The following CNTN4 variants were observed in gnomAD, a reference collection of about 807,000 sequenced individuals.
The protein encoded by CNTN4 is contactin 4.
In CNTN4, 77 loss-of-function variants were observed where a neutral mutation model predicts 122.5. The ratio of observed to expected loss-of-function variants is 0.63; its 90% CI spans 0.52 to 0.76. CNTN4 has a LOEUF of 0.76. CNTN4 is among the 30% of genes least tolerant of loss of function. CNTN4 has a pLI of 0.00. For synonymous variants in CNTN4, 512 were observed against 447.0 expected (o/e 1.15, Z -1.83); for missense variants, 1,256 against 1,259.1 (o/e 1.00, Z 0.04).
intron 7 of CNTN4, among the ~76,000 whole-genome samples, chr3:2,858,844 A>G (rs2093644196): frequency 6.6e-6 from 1 of 152,264 alleles, no homozygotes; most frequent in Non-Finnish European, 1.5e-5. Context: ...AAATTCGTAT[A>G]CATTATGGAT....
intron 2 of CNTN4, among the ~76,000 whole-genome samples, chr3:2,215,049 G>A (rs752024359): frequency 3.9e-5 from 6 of 152,202 alleles, no homozygotes; most frequent in East Asian, 1.9e-4. Context: ...AGTTACAGAC[G>A]CAATTGAATT....
At chr3:2,221,666 A>G (rs971801730) in intron 2 of CNTN4, among the ~76,000 whole-genome samples, 2 of 152,156 alleles carry the variant, frequency 1.3e-5, no homozygotes, top group African/African-American at 4.8e-5. Flanking sequence ...ACTTATAACT[A>G]GAATACATAA....
chr3:2,456,955 G>A (rs2049027822), intron 3 of CNTN4, among the ~76,000 whole-genome samples: 1 of 152,064 alleles, frequency 6.6e-6, no homozygotes, highest in Non-Finnish European at 1.5e-5. Flanking sequence ...TAGATTCTCA[G>A]AACCCTATGA....
chr3:2,911,453 T>C (rs2094298955), intron 12 of CNTN4, among the ~76,000 whole-genome samples: 2 of 152,200 alleles, frequency 1.3e-5, no homozygotes, highest in Admixed American at 1.3e-4. Context: ...CTGATTGCTC[T>C]CAGACTGCAA....
At chr3:2,234,370 CAA>C (rs72401999) in intron 2 of CNTN4, among the ~76,000 whole-genome samples, 69 of 94,740 alleles carry the variant, frequency 7.3e-4, no homozygotes, top group Admixed American at 1.8e-3. Context: ...AAGTCCATCT[CAA>C]AAAAAAAAAA....
Position 2,485,824 on chromosome 3 carries a change from C to T in CNTN4, c.-88-85592C>T, listed in dbSNP as rs146707699. ...TTGTGTCTAGCTCAGGGATTATAAACGCACCAGTCAGCACCCTGTCAAAAC... is the reference window on the plus strand; with the variant it reads ...TTGTGTCTAGCTCAGGGATTATAAATGCACCAGTCAGCACCCTGTCAAAAC... On this transcript the variant is annotated intron_variant, in intron 3 of 24. Transcript: ENST00000418658. 1.8e-3 allele frequency among the ~76,000 whole-genome samples: 274 copies of T among 152,172 alleles called. 1 individual carries two copies. Among genetic ancestry groups the T allele is most frequent in the African/African-American group, 5.8e-3 (242 of 41,514 alleles).
At chr3:2,663,232 G>C (rs995276718) in intron 4 of CNTN4, among the ~76,000 whole-genome samples, 9 of 152,122 alleles carry the variant, frequency 5.9e-5, no homozygotes, top group Non-Finnish European at 1.2e-4. Flanking sequence ...CATTGAACTA[G>C]AATCAAAAAA....
At chr3:2,487,191 C>T (rs2076187052) in intron 3 of CNTN4, among the ~76,000 whole-genome samples, 1 of 152,110 alleles carries the variant, frequency 6.6e-6, no homozygotes, top group African/African-American at 2.4e-5. Context: ...GGTAAAATTA[C>T]TAATGTAAAA....
intron 2 of CNTN4, among the ~76,000 whole-genome samples, chr3:2,212,051 G>A (rs1004049586): frequency 2.0e-5 from 3 of 152,094 alleles, no homozygotes; most frequent in Admixed American, 1.3e-4. Context: ...ACAGCTCACT[G>A]TAACCGCAAA....
intron 2 of CNTN4, among the ~76,000 whole-genome samples, chr3:2,167,055 A>G (rs2036226922): frequency 1.3e-5 from 2 of 152,172 alleles, no homozygotes; most frequent in African/African-American, 4.8e-5. Flanking sequence ...TCAGACATAG[A>G]TGTAATAAAA....
intron 2 of CNTN4, among the ~76,000 whole-genome samples, chr3:2,328,599 T>G (rs2043574984): frequency 6.6e-6 from 1 of 152,020 alleles, no homozygotes; most frequent in African/African-American, 2.4e-5. Flanking sequence ...ACGTATACAG[T>G]TGGCCCTCCA....
At chr3:2,527,053 C>G (rs1482349033) in intron 3 of CNTN4, among the ~76,000 whole-genome samples, 1 of 152,146 alleles carries the variant, frequency 6.6e-6, no homozygotes, top group Non-Finnish European at 1.5e-5. Context: ...TCTTCTTAAG[C>G]CTTGTTCCTG....
intron 4 of CNTN4, among the ~76,000 whole-genome samples, chr3:2,649,109 G>T (rs987932979): frequency 3.3e-5 from 5 of 152,158 alleles, no homozygotes; most frequent in African/African-American, 1.2e-4. Flanking sequence ...TGAGATTTAA[G>T]GAAAGAGATG....
intron 4 of CNTN4, among the ~76,000 whole-genome samples, chr3:2,634,243 A>C (rs2082561406): frequency 6.6e-6 from 1 of 152,148 alleles, no homozygotes; most frequent in African/African-American, 2.4e-5. Context: ...CTTAGATATT[A>C]CTCCATTTGA....
In CNTN4 at chr3:3,037,329, G is replaced by A. The variant is rs1408718585; in HGVS notation, c.2092+1G>A. The A allele has an allele frequency of 6.2e-6, 10 of 1,614,062 alleles. No homozygotes were observed. The highest frequency in any genetic ancestry group is 6.8e-6 in the Non-Finnish European group (8 of 1,180,034). ...GAGAAACGGAGAACAGAAGAAGCTC[G>A]TGAGTAGCACCCGAGATTCAGATCA... On this transcript the variant is annotated splice_donor_variant, in intron 18 of 24. Coordinates refer to ENST00000418658, the MANE Select transcript of CNTN4 (RefSeq NM_175607.3). LOFTEE classifies it high-confidence loss of function.
In CNTN4 at chr3:2,513,474, T is replaced by C. The variant is rs145615131; in HGVS notation, c.-88-57942T>C. The stretch of plus-strand genomic sequence containing the variant: ...ATTTGTATCTACTTGGTTGAGTAAA[T>C]AGTGTTCTTTTGAGTTTCGATTTCT... On this transcript the variant is annotated intron_variant, in intron 3 of 24. Transcript: ENST00000418658. Among the ~76,000 whole-genome samples, 33 of 152,184 alleles carry C rather than the reference T, an allele frequency of 2.2e-4. No homozygotes were observed. The East Asian group carries it at 6.2e-3, about 28-fold the overall frequency.
intron 13 of CNTN4, among the ~76,000 whole-genome samples, chr3:2,975,375 C>T (rs1344062948): frequency 6.6e-6 from 1 of 152,146 alleles, no homozygotes; most frequent in Non-Finnish European, 1.5e-5. Context: ...CAAAACTCCA[C>T]TCTATTTCTT....
chr3:2,775,474 C>A (rs1375560522), intron 6 of CNTN4, among the ~76,000 whole-genome samples: 1 of 152,152 alleles, frequency 6.6e-6, no homozygotes, highest in African/African-American at 2.4e-5. Context: ...CTCTGGAGTG[C>A]AGTGGCACGA....
intron 14 of CNTN4, among the ~76,000 whole-genome samples, chr3:2,995,904 TTCTGAG>T (rs1188130482): frequency 1.3e-5 from 2 of 152,216 alleles, no homozygotes; most frequent in Non-Finnish European, 2.9e-5. Flanking sequence ...TTCACACGTG[TTCTGAG>T]GCAGACTTGC....
Sources: gnomAD v4.1 joint callset for allele counts (sites outside exome capture counted in the v4.1 genomes callset) on GRCh38, gnomAD v4.1.1 for gene constraint, MANE v1.5 for transcripts, NCBI Gene and HGNC (gene_info 2026-07-23, HGNC 2026-07-21) for gene names.